Variants in IYD observed in about 807,000 individuals in gnomAD.
IYD encodes iodotyrosine deiodinase 1.
Under a neutral mutation model 28.4 loss-of-function variants are expected in IYD, and 25 were observed. The ratio of observed to expected loss-of-function variants is 0.88; its 90% confidence interval spans 0.64 to 1.23. The LOEUF is 1.23. Among genes scored for constraint, IYD ranks in the 50% most tolerant of loss-of-function variants. The probability of loss-of-function intolerance (pLI) is 0.00; values close to 1 mark genes in which losing one functional copy is unlikely to be tolerated. For missense variants in IYD, 352 were observed against 357.9 expected (o/e 0.98, Z 0.13); for synonymous variants, 140 against 130.8 (o/e 1.07, Z -0.48).
chr6:150,387,507 T>C lies in IYD; in HGVS notation c.179-1845T>C, dbSNP rs182639378. Among the ~76,000 whole-genome samples, 7 of 151,476 alleles carry C rather than the reference T, an allele frequency of 4.6e-5. No individual in the cohort carries two copies. In the East Asian group the frequency reaches 1.2e-3, roughly 25 times the overall value. On this transcript the variant is annotated intron_variant, in intron 1 of 4. Coordinates refer to ENST00000344419, the MANE Select transcript of IYD (RefSeq NM_203395.3). ...GTATTTTTCATGAGTTCTGCAAAAA[T>C]CTCAGATGCTATCTTTTCAAATATT... is the stretch of plus-strand genomic sequence containing the variant.
chr6:150,371,609 C>T (rs553161442), intron 1 of IYD, among the ~76,000 whole-genome samples: 5 of 152,186 alleles, frequency 3.3e-5, no homozygotes, highest in Non-Finnish European at 5.9e-5. Flanking sequence ...TGGCTCTCTG[C>T]CTGATCACTT....
At chr6:150,397,579 AC>A (rs1305886643) in intron 4 of IYD, among the ~76,000 whole-genome samples, 11,181 of 147,168 alleles carry the variant, frequency 0.076, 1,706 homozygotes, top group African/African-American at 0.27. Flanking sequence ...CAAAAAAAAA[AC>A]AAAAAACAAA....
Position 150,398,338 on chromosome 6 carries a change from G to T in IYD, c.*101G>T. 8.5e-7 allele frequency: 1 copy of T among 1,174,456 alleles called. No homozygotes were observed. Among genetic ancestry groups the T allele is most frequent in the Non-Finnish European group, 1.3e-6 (1 of 795,244 alleles). 72.8% of individuals were successfully genotyped at this position (1,174,456 alleles called of 1,614,324 possible). A position where few individuals can be genotyped will look rare whatever the true frequency, so the allele number is the denominator to read the frequency against. On this transcript the variant is annotated 3_prime_UTR_variant, in exon 5 of 5. Coordinates refer to ENST00000344419, the MANE Select transcript of IYD (RefSeq NM_203395.3). ...TCTCTTGGCTGCTCTTTCTCCAGGT[G>T]TCAGGTCCCCTCATTGCTCTTCTCA...
Position 150,398,531 on chromosome 6 carries a change from T to C in IYD, c.*294T>C. 1 of 315,102 alleles carries C rather than the reference T, an allele frequency of 3.2e-6. No homozygotes were observed. The highest frequency in any genetic ancestry group is 5.8e-6 in the Non-Finnish European group (1 of 170,974). The allele number at this position is 315,102 out of a possible 1,614,324, so 19.5% of individuals were successfully genotyped here. On this transcript the variant is annotated 3_prime_UTR_variant, in exon 5 of 5. Transcript: ENST00000344419. ...ACAATCACTATTGGCTTTTTTCTTT[T>C]ATTTTTAAAAAACTCACATAGAGGA...
chr6:150,378,112 A>T (rs1214671467), intron 1 of IYD, among the ~76,000 whole-genome samples: 4 of 152,160 alleles, frequency 2.6e-5, no homozygotes, highest in Non-Finnish European at 4.4e-5. Flanking sequence ...TTCCACCTGG[A>T]GAATGGCCAA....
At chr6:150,388,918 T>C (rs623252) in intron 1 of IYD, among the ~76,000 whole-genome samples, 60,381 of 151,986 alleles carry the variant, frequency 0.4, 13,588 homozygotes, top group Non-Finnish European at 0.52. Flanking sequence ...ACCAGGCTGG[T>C]CTCGAACTCC....
Position 150,392,508 on chromosome 6 carries a change from C to T in IYD, c.530+4C>T, listed in dbSNP as rs760808137. 3.7e-6 allele frequency: 6 copies of T among 1,613,476 alleles called. No homozygotes were observed. In the Admixed American group the frequency reaches 8.3e-5, roughly 22 times the overall value. ...TCACAGACCTCAAGAAACTGAGGTA[C>T]AAACAGTGGTGGAACTGGGGATGTT... On this transcript the variant is annotated splice_donor_region_variant and intron_variant, in intron 3 of 4. Coordinates refer to ENST00000344419, the MANE Select transcript of IYD (RefSeq NM_203395.3).
chr6:150,398,272 G>T lies in IYD; in HGVS notation c.*35G>T, dbSNP rs746533729. 5.6e-6 allele frequency: 9 copies of T among 1,601,490 alleles called. No individual in the cohort carries two copies. Among genetic ancestry groups the T allele is most frequent in the African/African-American group, 1.3e-5 (1 of 74,466 alleles). Reference sequence around the variant, plus strand: ...CCCAAGGGAGTGGCAGGGAGATGGCGCCCCTGCTTTTCCCTGAGCCTCTCG... The same window carrying T: ...CCCAAGGGAGTGGCAGGGAGATGGCTCCCCTGCTTTTCCCTGAGCCTCTCG... On this transcript the variant is annotated 3_prime_UTR_variant, in exon 5 of 5. Coordinates refer to ENST00000344419, the MANE Select transcript of IYD (RefSeq NM_203395.3).
chr6:150,370,288 TGTGTGA>T (rs1369099584), intron 1 of IYD, among the ~76,000 whole-genome samples: 2 of 145,138 alleles, frequency 1.4e-5, no homozygotes, highest in African/African-American at 5.5e-5. Context: ...TTAATGTGCA[TGTGTGA>T]GTGTGTGTGC....
chr6:150,379,696 A>G lies in IYD; in HGVS notation c.179-9656A>G, dbSNP rs188127806. ...ATTAAAATTCATATCATAGAGGAAG[A>G]GAGTGAAAATTAAACACCACACCTA... is the stretch of plus-strand genomic sequence containing the variant. On this transcript the variant is annotated intron_variant, in intron 1 of 4. Transcript: ENST00000344419. 3.1e-3 allele frequency among the ~76,000 whole-genome samples: 470 copies of G among 152,340 alleles called. 2 individuals carry two copies. Among genetic ancestry groups the G allele is most frequent in the African/African-American group, 0.011 (451 of 41,576 alleles).
In IYD at chr6:150,377,343, C is replaced by T. The variant is rs370362109; in HGVS notation, c.178+8134C>T. On this transcript the variant is annotated intron_variant, in intron 1 of 4. Transcript: ENST00000344419. ...CTTGCCTCTGGCTGAGGGCCACATT[C>T]CTCGGGAGCAGTCAGGAGTTCAAGA... Among the ~76,000 whole-genome samples, 4 of 152,288 alleles carry T rather than the reference C, an allele frequency of 2.6e-5. No homozygotes were observed. In the East Asian group the frequency reaches 7.7e-4, roughly 29 times the overall value.
In IYD at chr6:150,400,852, AG is replaced by A. The variant is rs1778489847; in HGVS notation, c.*2617del. ...AGATAACCAGAGACCCAACAACCAA[AG>A]GCAAAGCGTAAGCCTTGATTGGATT... is the stretch of plus-strand genomic sequence containing the variant. On this transcript the variant is annotated 3_prime_UTR_variant, in exon 5 of 5. Coordinates refer to ENST00000344419, the MANE Select transcript of IYD (RefSeq NM_203395.3). The A allele has an allele frequency of 6.6e-6, 1 of 152,234 alleles. No individual in the cohort carries two copies. Among genetic ancestry groups the A allele is most frequent in the Non-Finnish European group, 1.5e-5 (1 of 68,042 alleles). The allele number at this position is 152,234 out of a possible 1,614,324, so 9.4% of individuals were successfully genotyped here. A position where few individuals can be genotyped will look rare whatever the true frequency, so the allele number is the denominator to read the frequency against.
intron 1 of IYD, among the ~76,000 whole-genome samples, chr6:150,383,481 A>T (rs1039263090): frequency 8.5e-5 from 13 of 152,200 alleles, no homozygotes; most frequent in Admixed American, 7.9e-4. Context: ...TGAGCATTCC[A>T]ATGCATACAA....
chr6:150,394,200 A>G lies in IYD; in HGVS notation c.632A>G (p.Tyr211Cys). The change falls in exon 4 of 5, where the codon TAC becomes TGC. Residue 211 changes from tyrosine to cysteine, a missense_variant. Physicochemically the swap from Tyr to Cys is radical, Grantham distance 194. Coordinates refer to ENST00000344419, the MANE Select transcript of IYD (RefSeq NM_203395.3). Reference sequence around the variant, plus strand: ...GCAAATGGCAAGAAAAAAGTCCACTACTACAATGAGATCAGTGTTTCCATC... The same window carrying G: ...GCAAATGGCAAGAAAAAAGTCCACTGCTACAATGAGATCAGTGTTTCCATC... ...FAANGKKKVH[Y>C]YNEISVSIAC... 6.2e-7 allele frequency: 1 copy of G among 1,614,214 alleles called. No homozygotes were observed. Among genetic ancestry groups the G allele is most frequent in the Non-Finnish European group, 8.5e-7 (1 of 1,180,040 alleles).
intron 4 of IYD, chr6:150,396,097 A>C: frequency 4.5e-6 from 1 of 222,248 alleles, no homozygotes; most frequent in Non-Finnish European, 8.8e-6. Context: ...GATGAATGTA[A>C]TGATATTTTA....
chr6:150,374,196 A>G (rs1041732330), intron 1 of IYD, among the ~76,000 whole-genome samples: 12 of 152,258 alleles, frequency 7.9e-5, no homozygotes, highest in Admixed American at 2.0e-4. Context: ...ACAGAAAAGT[A>G]TACATGTTTA....
chr6:150,399,259 G>A lies in IYD; in HGVS notation c.*1022G>A, dbSNP rs1458118044. 2 of 152,222 alleles carry A rather than the reference G, an allele frequency of 1.3e-5. No individual in the cohort carries two copies. Among genetic ancestry groups the A allele is most frequent in the East Asian group, 1.9e-4 (1 of 5,190 alleles). 9.4% of individuals were successfully genotyped at this position (152,222 alleles called of 1,614,324 possible). A position where few individuals can be genotyped will look rare whatever the true frequency, so the allele number is the denominator to read the frequency against. On this transcript the variant is annotated 3_prime_UTR_variant, in exon 5 of 5. Coordinates refer to ENST00000344419, the MANE Select transcript of IYD (RefSeq NM_203395.3). Reference sequence around the variant, plus strand: ...CATAGCTTGAAATTGCCCATGGTGGGAGAGTTTACATCACAACCACTACAA... The same window carrying A: ...CATAGCTTGAAATTGCCCATGGTGGAAGAGTTTACATCACAACCACTACAA...
intron 1 of IYD, among the ~76,000 whole-genome samples, chr6:150,385,680 A>G (rs575367146): frequency 1.3e-5 from 2 of 151,760 alleles, no homozygotes; most frequent in Non-Finnish European, 2.9e-5. Context: ...TGCCCTACTT[A>G]TGTTTGGTAT....
chr6:150,386,933 T>C (rs1777885083), intron 1 of IYD, among the ~76,000 whole-genome samples: 1 of 152,202 alleles, frequency 6.6e-6, no homozygotes, highest in African/African-American at 2.4e-5. Context: ...TTAGTTCATT[T>C]CTATTCAATG....
Sources: allele counts gnomAD v4.1 joint callset (sites outside exome capture counted in the v4.1 genomes callset), GRCh38; gene constraint gnomAD v4.1.1; transcripts MANE v1.5; gene names NCBI Gene and HGNC (gene_info 2026-07-23, HGNC 2026-07-21).